GABRB1: variants seen among roughly 807,000 people sequenced by gnomAD.
The protein encoded by GABRB1 is gamma-aminobutyric acid receptor subunit beta-1.
Under a neutral mutation model 51.6 loss-of-function variants are expected in GABRB1, and 17 were observed. The ratio of observed to expected loss-of-function variants is 0.33; its 90% CI spans 0.23 to 0.49. The LOEUF (loss-of-function observed/expected upper bound fraction) is 0.49. Among genes scored for constraint, GABRB1 ranks in the 20% least tolerant of loss-of-function variants. GABRB1 has a pLI of 0.99. For synonymous variants in GABRB1, 247 were observed against 218.9 expected, an observed-to-expected ratio of 1.13 and a Z score of -1.14; for missense variants, 410 against 600.6, an observed-to-expected ratio of 0.68 and a Z score of 3.32.
chr4:47,180,965 T>C (rs1718919209), intron 4 of GABRB1, among the ~76,000 whole-genome samples: 1 of 152,042 alleles, frequency 6.6e-6, no homozygotes, highest in African/African-American at 2.4e-5. Flanking sequence ...GATCCTGTAC[T>C]TGATTTCATT....
At chr4:47,364,484 G>T (rs1232226241) in intron 5 of GABRB1, among the ~76,000 whole-genome samples, 1 of 151,488 alleles carries the variant, frequency 6.6e-6, no homozygotes, top group Non-Finnish European at 1.5e-5. Context: ...TGAGGCAAAT[G>T]AAAGAATAAA....
intron 5 of GABRB1, among the ~76,000 whole-genome samples, chr4:47,370,912 A>C (rs1727164686): frequency 8.5e-6 from 1 of 117,534 alleles, no homozygotes; most frequent in African/African-American, 3.4e-5. Flanking sequence ...AATTCAGGCT[A>C]CCACTTTATT....
intron 3 of GABRB1, among the ~76,000 whole-genome samples, chr4:47,122,436 T>A (rs942889491): frequency 6.6e-6 from 1 of 152,044 alleles, no homozygotes; most frequent in Non-Finnish European, 1.5e-5. Flanking sequence ...ACCAGAGAAA[T>A]ATAAAGAATT....
At chr4:47,299,574 C>A (rs984856930) in intron 4 of GABRB1, among the ~76,000 whole-genome samples, 72 of 152,154 alleles carry the variant, frequency 4.7e-4, no homozygotes, top group African/African-American at 1.6e-3. Context: ...GACCATCATT[C>A]AAAAGTCAGG....
chr4:47,240,719 T>C (rs772428496), intron 4 of GABRB1, among the ~76,000 whole-genome samples: 2 of 152,236 alleles, frequency 1.3e-5, no homozygotes, highest in Admixed American at 1.3e-4. Flanking sequence ...TACTCTGATA[T>C]GTAAAGTGTG....
At chr4:47,175,008 C>A (rs1340194282) in intron 4 of GABRB1, among the ~76,000 whole-genome samples, 2 of 139,496 alleles carry the variant, frequency 1.4e-5, no homozygotes, top group African/African-American at 5.4e-5. Flanking sequence ...TCCTTCCTCT[C>A]TCTTCCTTCT....
chr4:47,023,645 A>G (rs1725000847), intron 1 of GABRB1, among the ~76,000 whole-genome samples: 1 of 152,032 alleles, frequency 6.6e-6, no homozygotes, highest in Admixed American at 6.6e-5. Context: ...TTCAGAAATA[A>G]TAGATGAAAA....
chr4:47,378,163 G>A (rs1727455982), intron 5 of GABRB1, among the ~76,000 whole-genome samples: 1 of 152,220 alleles, frequency 6.6e-6, no homozygotes, highest in African/African-American at 2.4e-5. Context: ...GGAGGCTCAG[G>A]CATGGCGGGC....
intron 4 of GABRB1, among the ~76,000 whole-genome samples, chr4:47,247,736 CT>C (rs551743246): frequency 3.1e-4 from 47 of 152,022 alleles, no homozygotes; most frequent in Non-Finnish European, 5.2e-4. Context: ...CTTTTGACTC[CT>C]TGGTTAGGTA....
chr4:47,239,418 GC>G (rs1471822701), intron 4 of GABRB1, among the ~76,000 whole-genome samples: 2 of 152,076 alleles, frequency 1.3e-5, no homozygotes, highest in Admixed American at 1.3e-4. Context: ...AAATAAATTT[GC>G]TTGTGAATGT....
upstream of GABRB1, among the ~76,000 whole-genome samples, chr4:47,027,729 A>G (rs1725146577): frequency 6.6e-6 from 1 of 151,754 alleles, no homozygotes. Flanking sequence ...CTTAAGCTAG[A>G]AAATAAAGTA....
chr4:47,263,196 TAATAAATA>T (rs60437394), intron 4 of GABRB1, among the ~76,000 whole-genome samples: 134 of 149,440 alleles, frequency 9.0e-4, no homozygotes, highest in Non-Finnish European at 1.3e-3. Flanking sequence ...AGTATAATAA[TAATAAATA>T]AATAAATAAA....
chr4:47,175,689 G>A (rs943354775), intron 4 of GABRB1, among the ~76,000 whole-genome samples: 1 of 152,134 alleles, frequency 6.6e-6, no homozygotes, highest in Admixed American at 6.6e-5. Flanking sequence ...AAAGTGCATT[G>A]AGATATGAGA....
chr4:47,232,018 A>G (rs1422333823), intron 4 of GABRB1, among the ~76,000 whole-genome samples: 1 of 152,156 alleles, frequency 6.6e-6, no homozygotes, highest in Non-Finnish European at 1.5e-5. Context: ...TTATTTTTGT[A>G]GTCTACAAAT....
chr4:47,333,682 T>C (rs1725586415), intron 5 of GABRB1, among the ~76,000 whole-genome samples: 1 of 152,166 alleles, frequency 6.6e-6, no homozygotes, highest in South Asian at 2.1e-4. Flanking sequence ...GCCATTGCAC[T>C]CTAGCCTGGG....
At chr4:47,147,223 G>A (rs1288750826) in intron 3 of GABRB1, among the ~76,000 whole-genome samples, 1 of 151,890 alleles carries the variant, frequency 6.6e-6, no homozygotes, top group Non-Finnish European at 1.5e-5. Flanking sequence ...TCCTCCTCAA[G>A]TATTTACATT....
At chr4:47,286,651 A>G (rs565487591) in intron 4 of GABRB1, among the ~76,000 whole-genome samples, 1 of 152,334 alleles carries the variant, frequency 6.6e-6, no homozygotes, top group South Asian at 2.1e-4. Flanking sequence ...TAGTAAGTAA[A>G]CCTGTAGCTT....
chr4:47,087,632 G>A (rs914381364), intron 3 of GABRB1, among the ~76,000 whole-genome samples: 4 of 151,606 alleles, frequency 2.6e-5, no homozygotes, highest in Non-Finnish European at 5.9e-5. Flanking sequence ...TTAAAACAAT[G>A]TGAATAATAA....
chr4:47,083,957 T>C (rs1727959561), intron 3 of GABRB1, among the ~76,000 whole-genome samples: 1 of 152,134 alleles, frequency 6.6e-6, no homozygotes, highest in Non-Finnish European at 1.5e-5. Context: ...TCCCCTGGGA[T>C]AGTCTGTAAC....
Sources: gnomAD v4.1 joint callset for allele counts (sites outside exome capture counted in the v4.1 genomes callset) on GRCh38, gnomAD v4.1.1 for gene constraint, MANE v1.5 for transcripts, NCBI Gene and HGNC (gene_info 2026-07-23, HGNC 2026-07-21) for gene names.